Variants in ADARB2 observed in about 807,000 individuals in gnomAD.
The protein encoded by ADARB2 is inactive double-stranded RNA-specific editase B2.
Under a neutral mutation model 62.2 loss-of-function variants are expected in ADARB2, and 25 were observed. That is an observed-to-expected ratio of 0.40 (90% CI 0.29 to 0.56). The LOEUF (loss-of-function observed/expected upper bound fraction) is 0.56, where lower values mean the gene tolerates loss of function less well. Among genes scored for constraint, ADARB2 ranks in the 20% least tolerant of loss-of-function variants. ADARB2 has a pLI of 0.43. For synonymous variants in ADARB2, 572 were observed against 500.8 expected (o/e 1.14, Z -1.90); for missense variants, 1,071 against 1,077.4 (o/e 0.99, Z 0.08).
At chr10:1,672,294 G>C (rs1834396477) in intron 1 of ADARB2, among the ~76,000 whole-genome samples, 1 of 152,182 alleles carries the variant, frequency 6.6e-6, no homozygotes, top group African/African-American at 2.4e-5. Flanking sequence ...TTCCTGGGAA[G>C]GGCGCTGGGG....
intron 1 of ADARB2, among the ~76,000 whole-genome samples, chr10:1,633,564 C>CTATCTATCTATCTATCTATCTA (rs1833873926): frequency 5.5e-5 from 8 of 145,688 alleles, no homozygotes; most frequent in East Asian, 2.1e-4. Context: ...ATCTATCTAT[C>CTATCTATCTATCTATCTATCTA]TATCTATCTA....
At chr10:1,390,635 G>C (rs1473360387) in intron 1 of ADARB2, among the ~76,000 whole-genome samples, 2 of 152,102 alleles carry the variant, frequency 1.3e-5, no homozygotes, top group Admixed American at 6.5e-5. Flanking sequence ...TCGGACTTTG[G>C]GTTTCCGTTT....
At chr10:1,568,994 G>A (rs1381275280) in intron 1 of ADARB2, among the ~76,000 whole-genome samples, 5 of 152,186 alleles carry the variant, frequency 3.3e-5, no homozygotes, top group African/African-American at 7.2e-5. Context: ...AAGGCGAGGC[G>A]AGATGGTGAG....
chr10:1,552,420 C>T (rs931388879), intron 1 of ADARB2, among the ~76,000 whole-genome samples: 3 of 152,182 alleles, frequency 2.0e-5, no homozygotes, highest in Non-Finnish European at 4.4e-5. Flanking sequence ...GAGGCACAGC[C>T]CCAGTGCTCA....
intron 8 of ADARB2, among the ~76,000 whole-genome samples, chr10:1,197,549 CT>C (rs1387862789): frequency 6.6e-6 from 1 of 152,216 alleles, no homozygotes; most frequent in Non-Finnish European, 1.5e-5. Context: ...CCGTGCTCTC[CT>C]CTATTTTATC....
chr10:1,183,138 C>T lies in ADARB2; in HGVS notation c.*55G>A. ...CCGACCCGCCACGTCGCCCCCCAGA[C>T]ACGGTCCCATCCCTCCAGCGTCCCG... On this transcript the variant is annotated 3_prime_UTR_variant, in exon 10 of 10. Coordinates refer to ENST00000381312, the MANE Select transcript of ADARB2 (RefSeq NM_018702.4). 6.3e-7 allele frequency: 1 copy of T among 1,578,928 alleles called. No homozygotes were observed. Among genetic ancestry groups the T allele is most frequent in the African/African-American group, 1.3e-5 (1 of 74,088 alleles).
intron 1 of ADARB2, among the ~76,000 whole-genome samples, chr10:1,567,014 G>T (rs1832868141): frequency 6.6e-6 from 1 of 152,200 alleles, no homozygotes. Flanking sequence ...ATGTAAGTAA[G>T]AATTCTTAAT....
At chr10:1,395,689 C>A (rs928582331) in intron 1 of ADARB2, among the ~76,000 whole-genome samples, 3 of 152,280 alleles carry the variant, frequency 2.0e-5, no homozygotes, top group Admixed American at 1.3e-4. Flanking sequence ...ACCATCCCGG[C>A]GTCGCAGACC....
rs1176158176 is a variant in ADARB2, at chr10:1,205,649, G to A, written c.1683-5502C>T. Among the ~76,000 whole-genome samples, 5 of 152,398 alleles carry A rather than the reference G, an allele frequency of 3.3e-5. No individual in the cohort carries two copies. The East Asian group carries it at 5.8e-4, about 18-fold the overall frequency. ...CCAGCCCCTTCCACCATGGGAGGAC[G>A]CGGCACAGGGTGCCGTTACCACCTG... is the stretch of plus-strand genomic sequence containing the variant. On this transcript the variant is annotated intron_variant, in intron 7 of 9. Coordinates refer to ENST00000381312, the MANE Select transcript of ADARB2 (RefSeq NM_018702.4).
intron 1 of ADARB2, among the ~76,000 whole-genome samples, chr10:1,572,233 AG>A (rs1832952004): frequency 6.6e-6 from 1 of 150,946 alleles, no homozygotes; most frequent in Non-Finnish European, 1.5e-5. Flanking sequence ...GTGAGTAGGC[AG>A]GTGAGTATGC....
chr10:1,518,419 G>A (rs1168096511), intron 1 of ADARB2, among the ~76,000 whole-genome samples: 4 of 152,284 alleles, frequency 2.6e-5, no homozygotes, highest in East Asian at 1.9e-4. Flanking sequence ...CTGTGGAAAC[G>A]TAGCCTGTGA....
At chr10:1,418,377 C>T (rs928128873) in intron 1 of ADARB2, among the ~76,000 whole-genome samples, 3 of 152,202 alleles carry the variant, frequency 2.0e-5, no homozygotes, top group African/African-American at 7.2e-5. Flanking sequence ...AGTCCCATCT[C>T]CTTTCTCCAG....
At chr10:1,605,751 G>T (rs530451902) in intron 1 of ADARB2, among the ~76,000 whole-genome samples, 2 of 152,324 alleles carry the variant, frequency 1.3e-5, no homozygotes, top group South Asian at 4.1e-4. Context: ...TGCTTTAGAT[G>T]TCTCAATAAC....
At chr10:1,683,288 G>A (rs1225913501) in intron 1 of ADARB2, among the ~76,000 whole-genome samples, 1 of 152,124 alleles carries the variant, frequency 6.6e-6, no homozygotes, top group African/African-American at 2.4e-5. Context: ...CTTTAAAAAT[G>A]TGCTTCATAA....
chr10:1,323,266 A>AC (rs1831811726), intron 3 of ADARB2, among the ~76,000 whole-genome samples: 1 of 150,202 alleles, frequency 6.7e-6, no homozygotes, highest in Non-Finnish European at 1.5e-5. Context: ...AAAAAAAAAA[A>AC]AACACTGTTA....
At chr10:1,640,229 T>A (rs10903519) in intron 1 of ADARB2, among the ~76,000 whole-genome samples, 3 of 151,682 alleles carry the variant, frequency 2.0e-5, no homozygotes, top group Admixed American at 6.6e-5. Context: ...TCGTTTTCCT[T>A]GGACAATTAT....
At chr10:1,662,978 G>A (rs552985186) in intron 1 of ADARB2, among the ~76,000 whole-genome samples, 1 of 152,198 alleles carries the variant, frequency 6.6e-6, no homozygotes, top group Non-Finnish European at 1.5e-5. Flanking sequence ...ACCAGACGCG[G>A]AACACGACAT....
intron 1 of ADARB2, among the ~76,000 whole-genome samples, chr10:1,693,771 A>G (rs1834701900): frequency 6.6e-6 from 1 of 152,268 alleles, no homozygotes; most frequent in South Asian, 2.1e-4. Context: ...AATTAAAAGA[A>G]AAATTACTTC....
At chr10:1,541,240 C>T (rs1378720373) in intron 1 of ADARB2, among the ~76,000 whole-genome samples, 1 of 43,786 alleles carries the variant, frequency 2.3e-5, no homozygotes, top group Non-Finnish European at 5.1e-5. Flanking sequence ...CACAGCCGCC[C>T]AGACCCCACT....
Sources: gnomAD v4.1 joint callset for allele counts (sites outside exome capture counted in the v4.1 genomes callset) on GRCh38, gnomAD v4.1.1 for gene constraint, MANE v1.5 for transcripts, NCBI Gene and HGNC (gene_info 2026-07-23, HGNC 2026-07-21) for gene names.